Variants in TRAF6 observed in about 807,000 individuals in gnomAD.
TRAF6 encodes the protein TNF receptor associated factor 6.
In TRAF6, 10 loss-of-function variants were observed where a neutral mutation model predicts 48.4. The ratio of observed to expected loss-of-function variants is 0.21; its 90% confidence interval spans 0.13 to 0.35. The LOEUF is 0.35. Ranked by LOEUF, TRAF6 falls within the 10% of genes least tolerant of loss-of-function variation. The pLI is 1.00. For missense variants in TRAF6, 397 were observed against 661.0 expected, an observed-to-expected ratio of 0.60 and a Z score of 4.38; for synonymous variants, 186 against 219.6, an observed-to-expected ratio of 0.85 and a Z score of 1.35.
chr11:36,494,981 C>T lies in TRAF6; in HGVS notation c.673G>A (p.Glu225Lys), dbSNP rs754269736. 5 of 1,589,658 alleles carry T rather than the reference C, an allele frequency of 3.1e-6. No individual in the cohort carries two copies. The highest frequency in any genetic ancestry group is 4.3e-6 in the Non-Finnish European group (5 of 1,161,550). Residue 225 changes from glutamate (E) to lysine (K), a missense_variant, in exon 5 of 7, where the codon GAA becomes AAA. Coordinates refer to ENST00000526995, the MANE Select transcript of TRAF6 (RefSeq NM_004620.4). ...TTTATGAAAATGAATAATACCTGTT[C>T]TCTGATGAGTATAGTATTGCAGTAT... ...CEYCNTILIREQMPNHYDLDC... is the reference protein window; with the variant it reads ...CEYCNTILIRKQMPNHYDLDC...
chr11:36,507,795 ATATG>A (rs994462255), intron 1 of TRAF6, among the ~76,000 whole-genome samples: 1 of 144,040 alleles, frequency 6.9e-6, no homozygotes, highest in Admixed American at 7.0e-5. Flanking sequence ...TATATATTAT[ATATG>A]TGTATATATA....
In TRAF6 at chr11:36,490,624, G is replaced by A. The variant is rs1252332049; in HGVS notation, c.783C>T (p.His261=). ...TGTGTGACTGGGTGTTCTCTTGTAGGTGGCGTGCCAAGTGATTCCTCTGCA... is the reference window on the plus strand; with the variant it reads ...TGTGTGACTGGGTGTTCTCTTGTAGATGGCGTGCCAAGTGATTCCTCTGCA... ...EKMQRNHLAR[H]LQENTQSHMR... Residue 261 remains histidine, a synonymous_variant, in exon 7 of 7, where the codon CAC becomes CAT. Coordinates refer to ENST00000526995, the MANE Select transcript of TRAF6 (RefSeq NM_004620.4). This position sits in a 1 kb window ranked among gnomAD's most constrained non-coding sequence, Gnocchi z 6.4. 1.2e-6 allele frequency: 2 copies of A among 1,610,824 alleles called. No homozygotes were observed. Among genetic ancestry groups the A allele is most frequent in the Non-Finnish European group, 1.7e-6 (2 of 1,177,436 alleles).
Position 36,490,872 on chromosome 11 carries a change from C to T in TRAF6, c.757-222G>A, listed in dbSNP as rs1039505254. The stretch of plus-strand genomic sequence containing the variant: ...GATGACTACTCTCCCAGCTTTCACT[C>T]ACATAAATCTCCCTCCCACCTACAA... On this transcript the variant is annotated intron_variant, in intron 6 of 6. Transcript: ENST00000526995. This position sits in a 1 kb window ranked among gnomAD's most constrained non-coding sequence, Gnocchi z 6.4. 2.6e-5 allele frequency among the ~76,000 whole-genome samples: 4 copies of T among 152,202 alleles called. No homozygotes were observed. The highest frequency in any genetic ancestry group is 4.4e-5 in the Non-Finnish European group (3 of 68,036).
chr11:36,496,702 AT>A lies in TRAF6; in HGVS notation c.606+405del, dbSNP rs201218994. ...AAAACATACTTTGTGGGTTTGATTT[AT>A]TCTTTGTAATAGTTAGAACAACCTA... On this transcript the variant is annotated intron_variant, in intron 4 of 6. Coordinates refer to ENST00000526995, the MANE Select transcript of TRAF6 (RefSeq NM_004620.4). Among the ~76,000 whole-genome samples, 7 of 152,342 alleles carry A rather than the reference AT, an allele frequency of 4.6e-5. No homozygotes were observed. In the East Asian group the frequency reaches 1.2e-3, roughly 25 times the overall value.
intron 2 of TRAF6, among the ~76,000 whole-genome samples, chr11:36,500,271 C>T (rs553369780): frequency 4.6e-5 from 7 of 152,050 alleles, no homozygotes; most frequent in South Asian, 2.1e-4. Context: ...GGTATAAATA[C>T]GGTGGTGAGG....
Position 36,489,027 on chromosome 11 carries a change from T to A in TRAF6, c.*811A>T, listed in dbSNP as rs1315090953. 1 of 152,224 alleles carries A rather than the reference T, an allele frequency of 6.6e-6. No individual in the cohort carries two copies. Among genetic ancestry groups the A allele is most frequent in the Non-Finnish European group, 1.5e-5 (1 of 68,038 alleles). 9.4% of individuals were successfully genotyped at this position (152,224 alleles called of 1,614,324 possible). ...AAACAAATGAAGACATATGCAGAGC[T>A]GTGAAATTCACTCTGCACTGAATAG... On this transcript the variant is annotated 3_prime_UTR_variant, in exon 7 of 7. Transcript: ENST00000526995.
At chr11:36,504,081 TATA>T (rs1239728589) in intron 1 of TRAF6, among the ~76,000 whole-genome samples, 1 of 152,224 alleles carries the variant, frequency 6.6e-6, no homozygotes, top group Non-Finnish European at 1.5e-5. Context: ...TTCAGCGAGC[TATA>T]ATATTTTTTG....
At chr11:36,492,155 A>G (rs1412826953) in intron 6 of TRAF6, among the ~76,000 whole-genome samples, 3 of 152,242 alleles carry the variant, frequency 2.0e-5, no homozygotes, top group African/African-American at 7.2e-5. Context: ...GTCTTCACTT[A>G]GGTATTCCAA....
At chr11:36,508,527 T>A (rs991779491) in intron 1 of TRAF6, among the ~76,000 whole-genome samples, 2 of 152,134 alleles carry the variant, frequency 1.3e-5, no homozygotes, top group African/African-American at 4.8e-5. Flanking sequence ...TAAGGAGGTA[T>A]GTGCCAAGTT....
intron 3 of TRAF6, 116 bp downstream of exon 3, chr11:36,498,374 T>C: frequency 2.3e-6 from 2 of 863,506 alleles, no homozygotes; most frequent in Non-Finnish European, 3.4e-6. Context: ...CAAGAATTTA[T>C]TAACCAATCA....
intron 1 of TRAF6, among the ~76,000 whole-genome samples, chr11:36,505,464 C>T (rs898111324): frequency 2.0e-5 from 3 of 152,190 alleles, no homozygotes; most frequent in African/African-American, 7.2e-5. Context: ...CTCTCTCAAA[C>T]TTTACAGAAT....
At chr11:36,502,050 T>C (rs1183195735) in intron 1 of TRAF6, among the ~76,000 whole-genome samples, 1 of 152,190 alleles carries the variant, frequency 6.6e-6, no homozygotes, top group Non-Finnish European at 1.5e-5. Context: ...AAGGGAATAG[T>C]ATGGCTAGCA....
At chr11:36,509,158 G>T (rs958818815) in intron 1 of TRAF6, among the ~76,000 whole-genome samples, 1 of 152,182 alleles carries the variant, frequency 6.6e-6, no homozygotes, top group African/African-American at 2.4e-5. Flanking sequence ...TTCTTTACCA[G>T]TTTTTCTCGT....
Position 36,489,779 on chromosome 11 carries a change from C to T in TRAF6, c.*59G>A, listed in dbSNP as rs1859536326. The stretch of plus-strand genomic sequence containing the variant: ...TTGTTTGTTTGCATGTTATTGAGAA[C>T]AGGGCAAGGAAAGGCACTGTTTTCT... On this transcript the variant is annotated 3_prime_UTR_variant, in exon 7 of 7. Coordinates refer to ENST00000526995, the MANE Select transcript of TRAF6 (RefSeq NM_004620.4). The T allele has an allele frequency of 3.3e-6, 5 of 1,513,788 alleles. No individual in the cohort carries two copies. The highest frequency in any genetic ancestry group is 1.8e-4 in the Middle Eastern group (1 of 5,644). 93.8% of individuals were successfully genotyped at this position (1,513,788 alleles called of 1,614,324 possible). A position where few individuals can be genotyped will look rare whatever the true frequency, so the allele number is the denominator to read the frequency against.
At chr11:36,492,703 C>T (rs1216049553) in intron 5 of TRAF6, 75 bp from the exon 6 acceptor site, 1 of 1,158,856 alleles carries the variant, frequency 8.6e-7, no homozygotes, top group Admixed American at 2.0e-5. Flanking sequence ...CACATTTAAA[C>T]TGTATTGTCA....
Position 36,484,103 on chromosome 11 carries a change from G to A in TRAF6, c.*5735C>T, listed in dbSNP as rs976625663. On this transcript the variant is annotated 3_prime_UTR_variant, in exon 7 of 7. Coordinates refer to ENST00000526995, the MANE Select transcript of TRAF6 (RefSeq NM_004620.4). ...CTTAAGTCAGCCCAGCAATTCAGTT[G>A]TATTGACCTGATGGAGGCCATCCGA... is the stretch of plus-strand genomic sequence containing the variant. 2.0e-5 allele frequency among the ~76,000 whole-genome samples: 3 copies of A among 152,164 alleles called. No homozygotes were observed. The highest frequency in any genetic ancestry group is 4.4e-5 in the Non-Finnish European group (3 of 68,026).
intron 5 of TRAF6, among the ~76,000 whole-genome samples, chr11:36,494,388 C>T (rs1859601575): frequency 6.6e-6 from 1 of 151,882 alleles, no homozygotes; most frequent in Admixed American, 6.6e-5. Context: ...ACAAAAAAAC[C>T]CCACCATATA....
intron 4 of TRAF6, chr11:36,496,659 C>T (rs5030502): frequency 0.01 from 1,715 of 166,760 alleles, 16 homozygotes; most frequent in South Asian, 0.015. Flanking sequence ...ATACGCTGCA[C>T]GATAAAGTAT....
chr11:36,504,770 T>C (rs1345747852), intron 1 of TRAF6, among the ~76,000 whole-genome samples: 2 of 152,230 alleles, frequency 1.3e-5, no homozygotes, highest in East Asian at 1.9e-4. Flanking sequence ...ATGAAATGCA[T>C]GTTTTAAATA....
Sources: gnomAD v4.1 joint callset for allele counts (sites outside exome capture counted in the v4.1 genomes callset) on GRCh38, gnomAD v4.1.1 for gene constraint, Gnocchi (gnomAD v3.1) non-coding constraint, MANE v1.5 for transcripts, NCBI Gene and HGNC (gene_info 2026-07-23, HGNC 2026-07-21) for gene names.